The following CACNA2D1 variants were observed in gnomAD, a reference collection of about 807,000 sequenced individuals.
CACNA2D1 encodes calcium voltage-gated channel auxiliary subunit alpha2delta 1.
In CACNA2D1, 53 loss-of-function variants were observed where a neutral mutation model predicts 171.5. That is an observed-to-expected ratio of 0.31 (90% CI 0.25 to 0.39). The LOEUF (loss-of-function observed/expected upper bound fraction) is 0.39, where lower values mean the gene tolerates loss of function less well. Among genes scored for constraint, CACNA2D1 ranks in the 10% least tolerant of loss-of-function variants. CACNA2D1 has a pLI of 1.00. For synonymous variants in CACNA2D1, 442 were observed against 443.1 expected (o/e 1.00, Z 0.03); for missense variants, 903 against 1,299.8 (o/e 0.69, Z 4.69).
intron 1 of CACNA2D1, among the ~76,000 whole-genome samples, chr7:82,375,538 G>T (rs1279270023): frequency 6.6e-6 from 1 of 152,068 alleles, no homozygotes; most frequent in African/African-American, 2.4e-5. Context: ...GCCCCATGGC[G>T]CCTCTTTTCT....
chr7:82,278,268 T>A (rs1443308724), intron 3 of CACNA2D1, among the ~76,000 whole-genome samples: 1 of 152,124 alleles, frequency 6.6e-6, no homozygotes, highest in South Asian at 2.1e-4. Flanking sequence ...AATATACTTA[T>A]ATCAACAAAC....
At chr7:81,970,079 C>G in intron 27 of CACNA2D1, 95 bp from the exon 28 acceptor site, 1 of 771,288 alleles carries the variant, frequency 1.3e-6, no homozygotes, top group Admixed American at 1.8e-5. Flanking sequence ...GATACGCCTA[C>G]ATCTCAGGTA....
chr7:82,388,313 T>C (rs1284662380), intron 1 of CACNA2D1, among the ~76,000 whole-genome samples: 1 of 152,216 alleles, frequency 6.6e-6, no homozygotes, highest in Non-Finnish European at 1.5e-5. Flanking sequence ...GTTATTTTAC[T>C]AGCAGCTAAA....
chr7:82,179,261 G>A (rs186428790), intron 3 of CACNA2D1, among the ~76,000 whole-genome samples: 35 of 152,086 alleles, frequency 2.3e-4, no homozygotes, highest in African/African-American at 8.2e-4. Context: ...TTCTCTACAT[G>A]TTGACTGCTG....
chr7:82,425,586 G>C (rs1313042374), intron 1 of CACNA2D1, among the ~76,000 whole-genome samples: 1 of 149,134 alleles, frequency 6.7e-6, no homozygotes, highest in Admixed American at 6.7e-5. Flanking sequence ...CTGTTGCCGA[G>C]GCTGGAGTGC....
chr7:82,398,582 CTTT>C (rs145399408), intron 1 of CACNA2D1, among the ~76,000 whole-genome samples: 3 of 144,518 alleles, frequency 2.1e-5, no homozygotes, highest in Admixed American at 1.4e-4. Flanking sequence ...TTTCTTTCTC[CTTT>C]TTTTTTTTTT....
chr7:82,004,672 TA>T (rs1404706408), intron 18 of CACNA2D1, among the ~76,000 whole-genome samples: 1 of 152,114 alleles, frequency 6.6e-6, no homozygotes, highest in Non-Finnish European at 1.5e-5. Context: ...TCTTCAACAT[TA>T]TCTTCAAAGT....
intron 34 of CACNA2D1, among the ~76,000 whole-genome samples, chr7:81,963,295 T>C (rs950496510): frequency 1.3e-5 from 2 of 151,710 alleles, no homozygotes; most frequent in African/African-American, 4.8e-5. Flanking sequence ...AACCTCAACA[T>C]CAAATGAATA....
At chr7:82,096,092 C>T (rs1811829080) in intron 6 of CACNA2D1, among the ~76,000 whole-genome samples, 1 of 152,132 alleles carries the variant, frequency 6.6e-6, no homozygotes, top group African/African-American at 2.4e-5. Flanking sequence ...TACTAAACAC[C>T]TATTATGTGT....
intron 3 of CACNA2D1, among the ~76,000 whole-genome samples, chr7:82,315,610 G>T (rs1178936461): frequency 1.3e-5 from 2 of 151,958 alleles, no homozygotes; most frequent in Admixed American, 1.3e-4. Flanking sequence ...AGAAAGGTAT[G>T]CCAGAAAAAA....
chr7:82,103,398 A>G (rs1963788), intron 6 of CACNA2D1, among the ~76,000 whole-genome samples: 50,084 of 152,050 alleles, frequency 0.33, 8,873 homozygotes, highest in East Asian at 0.4. Flanking sequence ...TAATTAAGAG[A>G]GGAGAAAAGA....
chr7:82,117,090 A>C lies in CACNA2D1; in HGVS notation c.480T>G (p.Ser160=), dbSNP rs1193714632. 1 of 1,613,928 alleles carries C rather than the reference A, an allele frequency of 6.2e-7. No homozygotes were observed. The highest frequency in any genetic ancestry group is 1.3e-5 in the African/African-American group (1 of 75,040). ...GAATATGGACTGCTGCGTGCTGATAAGATATTTGTCGTCCAAAATTAGCAT... is the reference window on the plus strand; with the variant it reads ...GAATATGGACTGCTGCGTGCTGATACGATATTTGTCGTCCAAAATTAGCAT... ...IEDANFGRQI[S]YQHAAVHIPT... is the part of the protein sequence containing the mutation. Residue 160 remains serine, a synonymous_variant, in exon 6 of 39, where the codon TCT becomes TCG. Transcript: ENST00000356860.
chr7:82,023,511 A>C (rs1801506640), intron 12 of CACNA2D1, among the ~76,000 whole-genome samples: 1 of 151,834 alleles, frequency 6.6e-6, no homozygotes, highest in African/African-American at 2.4e-5. Context: ...TAGATGAAAT[A>C]TGAATGTAAA....
intron 38 of CACNA2D1, among the ~76,000 whole-genome samples, chr7:81,953,764 A>G (rs939881208): frequency 2.0e-5 from 3 of 152,194 alleles, no homozygotes; most frequent in Non-Finnish European, 4.4e-5. Flanking sequence ...TAATTTGAAT[A>G]AAAATTACCA....
intron 3 of CACNA2D1, among the ~76,000 whole-genome samples, chr7:82,325,667 C>T (rs950183191): frequency 1.4e-4 from 21 of 152,124 alleles, no homozygotes; most frequent in Non-Finnish European, 2.5e-4. Context: ...TTGGTGAAGT[C>T]ATTTAATCTT....
chr7:82,323,975 C>T lies in CACNA2D1; in HGVS notation c.294+11160G>A, dbSNP rs1402030316. ...GATTACCACATTTTTTTCAAAAGTG[C>T]CTTTGTTCAAATACTCATTTAGTGC... On this transcript the variant is annotated intron_variant, in intron 3 of 38. Transcript: ENST00000356860. Among the ~76,000 whole-genome samples, 3 of 151,974 alleles carry T rather than the reference C, an allele frequency of 2.0e-5. No individual in the cohort carries two copies. In the East Asian group the frequency reaches 5.8e-4, roughly 29 times the overall value.
chr7:82,396,099 G>A (rs932198437), intron 1 of CACNA2D1, among the ~76,000 whole-genome samples: 2 of 151,784 alleles, frequency 1.3e-5, no homozygotes, highest in African/African-American at 2.4e-5. Context: ...AAAATAATTC[G>A]CCCTTAAACC....
intron 1 of CACNA2D1, among the ~76,000 whole-genome samples, chr7:82,386,713 A>G (rs957186923): frequency 1.3e-5 from 2 of 151,726 alleles, no homozygotes; most frequent in Non-Finnish European, 2.9e-5. Flanking sequence ...AGCCTGGGCA[A>G]TAAGAGCAAA....
intron 3 of CACNA2D1, among the ~76,000 whole-genome samples, chr7:82,262,669 A>G (rs1807282377): frequency 6.6e-6 from 1 of 152,114 alleles, no homozygotes; most frequent in South Asian, 2.1e-4. Context: ...TCTCAGTACC[A>G]TGTTTTTCTG....
Sources: gnomAD v4.1 joint callset for allele counts (sites outside exome capture counted in the v4.1 genomes callset) on GRCh38, gnomAD v4.1.1 for gene constraint, MANE v1.5 for transcripts, NCBI Gene and HGNC (gene_info 2026-07-23, HGNC 2026-07-21) for gene names.